FAF2: variants seen among roughly 807,000 people sequenced by gnomAD.
FAF2 encodes Fas associated factor family member 2.
In FAF2, 9 loss-of-function variants were observed where a neutral mutation model predicts 62.3. The observed-to-expected ratio is 0.14, with a 90% CI of 0.09 to 0.25. The LOEUF (loss-of-function observed/expected upper bound fraction) is 0.25. Ranked by LOEUF, FAF2 falls within the 10% of genes least tolerant of loss-of-function variation. FAF2 has a pLI of 1.00. For synonymous variants in FAF2, 202 were observed against 198.0 expected, an observed-to-expected ratio of 1.02 and a Z score of -0.17; for missense variants, 368 against 556.2, an observed-to-expected ratio of 0.66 and a Z score of 3.40.
chr5:176,465,145 C>T (rs1308380330), intron 1 of FAF2, among the ~76,000 whole-genome samples: 1 of 152,052 alleles, frequency 6.6e-6, no homozygotes, highest in African/African-American at 2.4e-5. Flanking sequence ...GCCGCTTCAG[C>T]CTCCCAAAGT....
At chr5:176,466,550 C>T (rs1202455270) in intron 1 of FAF2, among the ~76,000 whole-genome samples, 3 of 152,168 alleles carry the variant, frequency 2.0e-5, no homozygotes, top group Non-Finnish European at 2.9e-5. Flanking sequence ...TTACCCAATC[C>T]CTATCCAAAT....
intron 1 of FAF2, among the ~76,000 whole-genome samples, chr5:176,475,972 G>A (rs1167063594): frequency 6.6e-6 from 1 of 151,568 alleles, no homozygotes; most frequent in Non-Finnish European, 1.5e-5. Flanking sequence ...AAAAACCCCA[G>A]TAACCAGGTA....
At chr5:176,455,637 T>C (rs1157879653) in intron 1 of FAF2, among the ~76,000 whole-genome samples, 1 of 151,808 alleles carries the variant, frequency 6.6e-6, no homozygotes, top group Non-Finnish European at 1.5e-5. Flanking sequence ...TAATCCTAGC[T>C]ACTCAGGAGG....
intron 1 of FAF2, among the ~76,000 whole-genome samples, chr5:176,468,516 G>A (rs1357631477): frequency 5.3e-5 from 8 of 152,094 alleles, no homozygotes; most frequent in South Asian, 2.1e-4. Context: ...CCCGGGAGGC[G>A]CAGCTTGCAG....
intron 2 of FAF2, among the ~76,000 whole-genome samples, chr5:176,485,385 G>C (rs1054405372): frequency 5.3e-5 from 8 of 152,186 alleles, no homozygotes; most frequent in Non-Finnish European, 1.0e-4. Context: ...TGGTCTTTCT[G>C]GCATGGCCGG....
intron 10 of FAF2, among the ~76,000 whole-genome samples, chr5:176,504,273 C>T (rs1485167470): frequency 2.0e-5 from 3 of 152,016 alleles, no homozygotes; most frequent in African/African-American, 4.8e-5. Flanking sequence ...GTCAGGAGTT[C>T]GAGACCAGCC....
chr5:176,490,771 GT>G (rs566961273), intron 4 of FAF2, among the ~76,000 whole-genome samples: 2 of 151,732 alleles, frequency 1.3e-5, no homozygotes, highest in East Asian at 3.9e-4. Flanking sequence ...TGACATCTCT[GT>G]TTTTTTCTAA....
chr5:176,475,767 T>TA (rs776213068), intron 1 of FAF2, among the ~76,000 whole-genome samples: 225 of 133,756 alleles, frequency 1.7e-3, no homozygotes, highest in African/African-American at 2.9e-3. Context: ...AGACTTCGTC[T>TA]AAAAAAAAAA....
intron 2 of FAF2, among the ~76,000 whole-genome samples, chr5:176,481,309 G>T (rs1758780329): frequency 6.6e-6 from 1 of 152,114 alleles, no homozygotes; most frequent in African/African-American, 2.4e-5. Flanking sequence ...GCCTCCCAAG[G>T]TGCTAGGATT....
chr5:176,462,859 G>T (rs1758402600), intron 1 of FAF2, among the ~76,000 whole-genome samples: 1 of 151,946 alleles, frequency 6.6e-6, no homozygotes, highest in Non-Finnish European at 1.5e-5. Flanking sequence ...GGATGGGCAG[G>T]GAACAGACAA....
Position 176,481,751 on chromosome 5 carries a change from G to T in FAF2, c.132+2495G>T, listed in dbSNP as rs555776241. Among the ~76,000 whole-genome samples, 109 of 152,130 alleles carry T rather than the reference G, an allele frequency of 7.2e-4. 1 individual carries two copies. The highest frequency in any genetic ancestry group is 5.2e-3 in the Admixed American group (80 of 15,280). On this transcript the variant is annotated intron_variant, in intron 2 of 10. Coordinates refer to ENST00000261942, the MANE Select transcript of FAF2 (RefSeq NM_014613.3). ...TAGCTCACTGCAGTTGAACTCCTGG[G>T]CTCAAGCATTCCTCTGACCTCAGCT...
At chr5:176,463,087 A>C (rs571742992) in intron 1 of FAF2, among the ~76,000 whole-genome samples, 1 of 152,248 alleles carries the variant, frequency 6.6e-6, no homozygotes, top group East Asian at 1.9e-4. Context: ...TGAAAGAATC[A>C]ATACTAGAAT....
intron 1 of FAF2, among the ~76,000 whole-genome samples, chr5:176,467,992 C>T (rs772088483): frequency 6.6e-6 from 1 of 152,026 alleles, no homozygotes; most frequent in Non-Finnish European, 1.5e-5. Context: ...TGGTGAAACC[C>T]TGTCTCTATT....
intron 2 of FAF2, among the ~76,000 whole-genome samples, chr5:176,483,087 TG>T (rs953220731): frequency 2.4e-4 from 37 of 151,448 alleles, no homozygotes; most frequent in Non-Finnish European, 4.1e-4. Flanking sequence ...GATGGAGTCT[TG>T]GTTTGTTGCC....
chr5:176,465,274 G>A (rs941226277), intron 1 of FAF2, among the ~76,000 whole-genome samples: 2 of 151,938 alleles, frequency 1.3e-5, no homozygotes. Context: ...TGTTGATCTT[G>A]TGCCTAAAGG....
Position 176,506,933 on chromosome 5 carries a change from G to A in FAF2, c.1321G>A (p.Asp441Asn). The change falls in exon 11 of 11, where the codon GAC becomes AAC. Residue 441 changes from aspartate (D) to asparagine (N), a missense_variant. Physicochemically the swap from Asp to Asn is conservative, Grantham distance 23. Transcript: ENST00000261942. ...CCACACAGAAGTTCTTTTTGTTCAG[G>A]ACCTAACTGACGAATGACATTTTTT... ...LSHTEVLFVQ[D>N]LTDE 6.4e-7 allele frequency: 1 copy of A among 1,552,268 alleles called. No homozygotes were observed. Among genetic ancestry groups the A allele is most frequent in the Non-Finnish European group, 8.7e-7 (1 of 1,144,288 alleles).
chr5:176,486,142 C>T (rs1758870036), intron 2 of FAF2, among the ~76,000 whole-genome samples: 1 of 152,176 alleles, frequency 6.6e-6, no homozygotes, highest in Non-Finnish European at 1.5e-5. Context: ...CAAGTTTCCT[C>T]GTCTCCTCTA....
intron 4 of FAF2, 54 bp from the exon 5 acceptor site, chr5:176,492,140 C>A (rs187561924): frequency 6.2e-7 from 1 of 1,609,672 alleles, no homozygotes; most frequent in Non-Finnish European, 8.5e-7. Flanking sequence ...TTGGCCCACT[C>A]GATATGCACT....
In FAF2 at chr5:176,492,198, G is replaced by C. The variant is rs1758982647; in HGVS notation, c.349G>C (p.Ala117Pro). The change falls in exon 5 of 11, where the codon GCT becomes CCT. Residue 117 changes from alanine to proline, a missense_variant. Around this residue, in one of 2 missense-constraint regions of FAF2, gnomAD observed 331 missense variants for 441.9 expected, o/e 0.75. Transcript: ENST00000261942. Reference sequence around the variant, plus strand: ...TATTTATTCCTTCCTCCCCAGGTTTGCTCTTCGTTTTATACGGCCTGACCC... The same window carrying C: ...TATTTATTCCTTCCTCCCCAGGTTTCCTCTTCGTTTTATACGGCCTGACCC... ...YYTILDIFRF[A>P]LRFIRPDPRS... The C allele has an allele frequency of 6.2e-7, 1 of 1,613,972 alleles. No individual in the cohort carries two copies. Among genetic ancestry groups the C allele is most frequent in the South Asian group, 1.1e-5 (1 of 91,068 alleles).
Sources: allele counts gnomAD v4.1 joint callset (sites outside exome capture counted in the v4.1 genomes callset), GRCh38; gene constraint gnomAD v4.1.1; regional missense constraint gnomAD v4.1.1; transcripts MANE v1.5; gene names NCBI Gene and HGNC (gene_info 2026-07-23, HGNC 2026-07-21).